The following RBFOX1 variants were observed in gnomAD, a reference collection of about 807,000 sequenced individuals.
RBFOX1 encodes RNA binding protein fox-1 homolog 1.
In RBFOX1, 8 loss-of-function variants were observed where a neutral mutation model predicts 57.7. The observed-to-expected ratio is 0.14, with a 90% CI of 0.08 to 0.25. RBFOX1 has a LOEUF of 0.25. Among genes scored for constraint, RBFOX1 ranks in the 10% least tolerant of loss-of-function variants. The pLI is 1.00. For missense variants in RBFOX1, 611 were observed against 548.5 expected, an observed-to-expected ratio of 1.11 and a Z score of -1.14; for synonymous variants, 326 against 222.4, an observed-to-expected ratio of 1.47 and a Z score of -4.15.
intron 1 of RBFOX1, among the ~76,000 whole-genome samples, chr16:5,323,773 C>A (rs1052242061): frequency 6.6e-6 from 1 of 152,224 alleles, no homozygotes; most frequent in South Asian, 2.1e-4. Context: ...GACGGTTGGC[C>A]TTACTGATAG....
intron 4 of RBFOX1, among the ~76,000 whole-genome samples, chr16:7,420,798 A>G (rs1445049266): frequency 6.7e-6 from 1 of 150,126 alleles, no homozygotes; most frequent in Non-Finnish European, 1.5e-5. Flanking sequence ...TCTGTTCTCT[A>G]TAGCCTGTGG....
At chr16:7,502,533 A>T (rs1228591176) in intron 4 of RBFOX1, among the ~76,000 whole-genome samples, 1 of 152,200 alleles carries the variant, frequency 6.6e-6, no homozygotes, top group Non-Finnish European at 1.5e-5. Flanking sequence ...GGGGCTGAAG[A>T]AGAAATAGAA....
chr16:6,010,738 C>G (rs897979879), intron 4 of RBFOX1, among the ~76,000 whole-genome samples: 19 of 152,310 alleles, frequency 1.2e-4, no homozygotes, highest in African/African-American at 4.6e-4. Context: ...CAAACGGTAT[C>G]CGTTAGATGT....
chr16:6,654,026 C>T (rs1043497485), intron 2 of RBFOX1, among the ~76,000 whole-genome samples: 17 of 141,712 alleles, frequency 1.2e-4, no homozygotes, highest in Non-Finnish European at 2.4e-4. Flanking sequence ...GTGGGTGGGT[C>T]AATGAATGGA....
rs532337017 is a variant in RBFOX1 at position 6,637,834 on chromosome 16, C to T, written c.-63-16769C>T. Among the ~76,000 whole-genome samples, 23 of 152,062 alleles carry T rather than the reference C, an allele frequency of 1.5e-4. 1 individual carries two copies. The highest frequency in any genetic ancestry group is 2.1e-4 in the South Asian group (1 of 4,816). On this transcript the variant is annotated intron_variant, in intron 2 of 15. Coordinates refer to ENST00000550418, the MANE Select transcript of RBFOX1 (RefSeq NM_018723.4). Reference sequence around the variant, plus strand: ...CTCCAAATCTTGGAGGTCCTTTCTGCACTGGATTACAATTCTGAAACTCAT... The same window carrying T: ...CTCCAAATCTTGGAGGTCCTTTCTGTACTGGATTACAATTCTGAAACTCAT...
chr16:6,492,090 AATAAAC>A (rs2095645009), intron 2 of RBFOX1, among the ~76,000 whole-genome samples: 2 of 149,848 alleles, frequency 1.3e-5, no homozygotes, highest in African/African-American at 2.5e-5. Context: ...GTTTTGGAAA[AATAAAC>A]ATAAATAGCA....
chr16:6,736,905 G>A lies in RBFOX1; in HGVS notation c.-16+82255G>A, dbSNP rs188526615. On this transcript the variant is annotated intron_variant, in intron 3 of 15. Coordinates refer to ENST00000550418, the MANE Select transcript of RBFOX1 (RefSeq NM_018723.4). ...TGGAGCCTAGGTATAGACTTAGCAG[G>A]GAGGAGTGCTGTGATGGATTGGTGA... Among the ~76,000 whole-genome samples the A allele has an allele frequency of 1.4e-3, 209 of 152,302 alleles. 1 individual carries two copies. The highest frequency in any genetic ancestry group is 2.6e-3 in the Non-Finnish European group (178 of 68,032).
In RBFOX1 at chr16:5,982,236, C is replaced by T. The variant is rs531625845; in HGVS notation, c.351+114901C>T. Among the ~76,000 whole-genome samples, 26 of 152,220 alleles carry T rather than the reference C, an allele frequency of 1.7e-4. No homozygotes were observed. The South Asian group carries it at 4.8e-3, about 28-fold the overall frequency. ...CCGCCAAGTTGTTTCTGGAATAGTC[C>T]AGGGATGTTCCCACCATAGGGCCTT... is the stretch of plus-strand genomic sequence containing the variant. On this transcript the variant is annotated intron_variant, in intron 4 of 19. Transcript: ENST00000641259.
intron 2 of RBFOX1, among the ~76,000 whole-genome samples, chr16:5,541,887 A>T (rs1319173963): frequency 6.6e-6 from 1 of 152,096 alleles, no homozygotes; most frequent in Admixed American, 6.6e-5. Context: ...GGGCCTCTTT[A>T]ATTTTTTCAA....
chr16:6,974,655 AT>A (rs1222005364), intron 3 of RBFOX1, among the ~76,000 whole-genome samples: 1 of 151,956 alleles, frequency 6.6e-6, no homozygotes, highest in Non-Finnish European at 1.5e-5. Context: ...CATAAATCAT[AT>A]TCTTTATTTG....
chr16:7,564,275 C>G (rs553085032), intron 5 of RBFOX1, among the ~76,000 whole-genome samples: 1 of 152,110 alleles, frequency 6.6e-6, no homozygotes, highest in Non-Finnish European at 1.5e-5. Context: ...CGTGGTGGCT[C>G]ACCCCTGTAA....
At chr16:6,357,532 G>A (rs1164796591) in intron 2 of RBFOX1, among the ~76,000 whole-genome samples, 2 of 152,006 alleles carry the variant, frequency 1.3e-5, no homozygotes, top group Non-Finnish European at 2.9e-5. Context: ...TTACTAGGTG[G>A]AGGTCGTCTG....
chr16:6,833,123 C>G lies in RBFOX1; in HGVS notation c.-16+178473C>G, dbSNP rs74416158. Reference sequence around the variant, plus strand: ...TGGAAGGCTTTTTCTGTGGCACTTTCCTTTTTTTTCAAGTCTTGTATTTTA... The same window carrying G: ...TGGAAGGCTTTTTCTGTGGCACTTTGCTTTTTTTTCAAGTCTTGTATTTTA... On this transcript the variant is annotated intron_variant, in intron 3 of 15. Transcript: ENST00000550418. Among the ~76,000 whole-genome samples the G allele has an allele frequency of 4.0e-4, 61 of 151,210 alleles. No homozygotes were observed. In the East Asian group the frequency reaches 8.6e-3, roughly 21 times the overall value.
chr16:5,412,102 G>A (rs910907871), intron 1 of RBFOX1, among the ~76,000 whole-genome samples: 3 of 152,054 alleles, frequency 2.0e-5, no homozygotes, highest in Non-Finnish European at 2.9e-5. Flanking sequence ...GGATAATGGG[G>A]ACCACTGAGA....
At chr16:7,479,017 G>A (rs1055153580) in intron 4 of RBFOX1, among the ~76,000 whole-genome samples, 7 of 152,104 alleles carry the variant, frequency 4.6e-5, no homozygotes, top group Admixed American at 1.3e-4. Context: ...CACTGTGAGA[G>A]TGTAGAAGAG....
chr16:6,870,731 C>G (rs562969274), intron 3 of RBFOX1, among the ~76,000 whole-genome samples: 5 of 152,128 alleles, frequency 3.3e-5, no homozygotes, highest in African/African-American at 1.2e-4. Context: ...AATTATTTCA[C>G]CACCAAAACT....
chr16:5,641,479 G>GCT (rs1353168169), intron 3 of RBFOX1, among the ~76,000 whole-genome samples: 1 of 152,260 alleles, frequency 6.6e-6, no homozygotes, highest in African/African-American at 2.4e-5. Context: ...ATAAGGGTAA[G>GCT]TAGAAAGGCC....
intron 4 of RBFOX1, among the ~76,000 whole-genome samples, chr16:7,458,684 C>G (rs2150438682): frequency 6.6e-6 from 1 of 152,108 alleles, no homozygotes. Context: ...CAATTTTTTT[C>G]AAGTTCTTAC....
chr16:7,509,235 C>T (rs1351128037), intron 4 of RBFOX1, among the ~76,000 whole-genome samples: 3 of 152,174 alleles, frequency 2.0e-5, no homozygotes, highest in Non-Finnish European at 2.9e-5. Flanking sequence ...TGGAATATTG[C>T]GGTCATCTTA....
Sources: gnomAD v4.1 joint callset for allele counts (sites outside exome capture counted in the v4.1 genomes callset) on GRCh38, gnomAD v4.1.1 for gene constraint, MANE v1.5 for transcripts, NCBI Gene and HGNC (gene_info 2026-07-23, HGNC 2026-07-21) for gene names.